Variants in FUT8 observed in about 807,000 individuals in gnomAD.
FUT8 encodes the protein alpha-(1,6)-fucosyltransferase.
A neutral mutation model predicts 71.3 loss-of-function variants in FUT8; 29 were observed. The ratio of observed to expected loss-of-function variants is 0.41; its 90% CI spans 0.30 to 0.55. The LOEUF is 0.55. Among genes scored for constraint, FUT8 ranks in the 20% least tolerant of loss-of-function variants. The probability of loss-of-function intolerance (pLI) is 0.34; values close to 1 mark genes in which losing one functional copy is unlikely to be tolerated. For synonymous variants in FUT8, 254 were observed against 239.3 expected (o/e 1.06, Z -0.57); for missense variants, 544 against 702.1 (o/e 0.77, Z 2.55).
chr14:65,702,820 C>T (rs1248512818), intron 7 of FUT8, among the ~76,000 whole-genome samples: 2 of 151,882 alleles, frequency 1.3e-5, no homozygotes. Flanking sequence ...CTCACTGCAA[C>T]CTCCACCTCC....
At chr14:65,431,515 A>G (rs186688091) in intron 1 of FUT8, among the ~76,000 whole-genome samples, 8 of 150,876 alleles carry the variant, frequency 5.3e-5, no homozygotes, top group African/African-American at 2.0e-4. Flanking sequence ...GTTTTGCCAC[A>G]TTGCCTGGGC....
At chr14:65,667,191 A>G (rs181482715) in intron 6 of FUT8, among the ~76,000 whole-genome samples, 66 of 152,256 alleles carry the variant, frequency 4.3e-4, no homozygotes, top group African/African-American at 1.5e-3. Context: ...GGCAAGAGAA[A>G]AAAATTAAAG....
intron 2 of FUT8, among the ~76,000 whole-genome samples, chr14:65,488,837 T>C (rs2066445031): frequency 1.3e-5 from 2 of 152,160 alleles, no homozygotes; most frequent in South Asian, 4.1e-4. Flanking sequence ...GGCATTTCTT[T>C]CCAATTTTTC....
In FUT8 at chr14:65,514,975, GACATTAGT is replaced by G. The variant is rs1380522752; in HGVS notation, c.-227-46360_-227-46353del. On this transcript the variant is annotated intron_variant, in intron 2 of 10. Transcript: ENST00000673929. ...AACTTTGTGTTTTCCTCCTTCCTTTGACATTAGTAATATTTGGATTTCACTCTTTGAAT... is the reference window on the plus strand; with the variant it reads ...AACTTTGTGTTTTCCTCCTTCCTTTGAATATTTGGATTTCACTCTTTGAAT... 2.0e-5 allele frequency among the ~76,000 whole-genome samples: 3 copies of G among 148,804 alleles called. No individual in the cohort carries two copies. In the Admixed American group the frequency reaches 2.0e-4, roughly 10 times the overall value.
chr14:65,584,030 C>T (rs1887235831), intron 3 of FUT8, among the ~76,000 whole-genome samples: 2 of 152,146 alleles, frequency 1.3e-5, no homozygotes, highest in South Asian at 4.1e-4. Context: ...CAGGCGCGTG[C>T]TACCACGCCT....
intron 2 of FUT8, among the ~76,000 whole-genome samples, chr14:65,459,398 C>T (rs2065940782): frequency 6.6e-6 from 1 of 152,040 alleles, no homozygotes. Context: ...ATTTTTCTAG[C>T]TATATATTCA....
intron 6 of FUT8, among the ~76,000 whole-genome samples, chr14:65,666,871 T>C (rs1018269566): frequency 1.3e-5 from 2 of 152,122 alleles, no homozygotes; most frequent in African/African-American, 4.8e-5. Flanking sequence ...TGGTTCAACA[T>C]ACACAAATCC....
At chr14:65,508,455 A>G (rs1163524364) in intron 2 of FUT8, among the ~76,000 whole-genome samples, 1 of 120,712 alleles carries the variant, frequency 8.3e-6, no homozygotes, top group Non-Finnish European at 1.8e-5. Flanking sequence ...CTGTTTTTAA[A>G]TTGGATTATT....
chr14:65,519,970 G>A (rs1230267763), intron 2 of FUT8, among the ~76,000 whole-genome samples: 4 of 152,152 alleles, frequency 2.6e-5, no homozygotes, highest in Middle Eastern at 3.4e-3. Flanking sequence ...GTAGAGGCCG[G>A]GTTTTGCCGT....
chr14:65,512,907 C>CAAAAAAAAA (rs35280167), intron 2 of FUT8, among the ~76,000 whole-genome samples: 1 of 83,954 alleles, frequency 1.2e-5, no homozygotes, highest in Non-Finnish European at 2.7e-5. Context: ...GACTCTGTCT[C>CAAAAAAAAA]AAAAAAAAAA....
intron 2 of FUT8, among the ~76,000 whole-genome samples, chr14:65,527,944 T>TGTC (rs1158743563): frequency 2.0e-5 from 3 of 152,130 alleles, no homozygotes; most frequent in African/African-American, 7.2e-5. Context: ...CCATGTGAGG[T>TGTC]GTCAGTCTGC....
At chr14:65,388,046 GTTC>G in the FUT8 span, among the ~76,000 whole-genome samples, 1 of 152,160 alleles carries the variant, frequency 6.6e-6, no homozygotes, top group East Asian at 1.9e-4. Context: ...ATATTATAAA[GTTC>G]TTCTCTGCCT....
chr14:65,438,025 C>G (rs530529060), intron 1 of FUT8, among the ~76,000 whole-genome samples: 2 of 152,256 alleles, frequency 1.3e-5, no homozygotes, highest in East Asian at 3.9e-4. Context: ...TTGACCCAAA[C>G]TATTTTGGCT....
At chr14:65,455,148 A>C (rs2139557086) in intron 1 of FUT8, among the ~76,000 whole-genome samples, 1 of 152,324 alleles carries the variant, frequency 6.6e-6, no homozygotes, top group East Asian at 1.9e-4. Flanking sequence ...TTCTATGGAA[A>C]GAAAGCAAAA....
rs1362384917 is a variant in FUT8 at position 65,742,957 on chromosome 14, T to C, written c.*547T>C. ...TTTTTTCCTTTATAAGGTTGTCTGTTTTTTTTTTTTTAAATAATTGCATCA... is the reference window on the plus strand; with the variant it reads ...TTTTTTCCTTTATAAGGTTGTCTGTCTTTTTTTTTTTAAATAATTGCATCA... On this transcript the variant is annotated 3_prime_UTR_variant, in exon 11 of 11. Transcript: ENST00000673929. 2.1e-5 allele frequency: 3 copies of C among 139,780 alleles called. No individual in the cohort carries two copies. Among genetic ancestry groups the C allele is most frequent in the East Asian group, 2.0e-4 (1 of 5,096 alleles). 8.7% of individuals were successfully genotyped at this position (139,780 alleles called of 1,614,324 possible).
intron 1 of FUT8, among the ~76,000 whole-genome samples, chr14:65,425,883 A>G (rs1644093345): frequency 6.6e-6 from 1 of 151,964 alleles, no homozygotes; most frequent in Non-Finnish European, 1.5e-5. Flanking sequence ...AGTCTGAGGC[A>G]GGAGAATTGC....
chr14:65,546,189 C>G (rs1378792667), intron 2 of FUT8, among the ~76,000 whole-genome samples: 7 of 151,712 alleles, frequency 4.6e-5, no homozygotes, highest in Non-Finnish European at 1.0e-4. Context: ...ACTGTCATTT[C>G]CTTTCTTAAT....
chr14:65,514,728 T>C (rs1201324077), intron 2 of FUT8, among the ~76,000 whole-genome samples: 1 of 152,136 alleles, frequency 6.6e-6, no homozygotes, highest in African/African-American at 2.4e-5. Context: ...TATGATACTT[T>C]AAGTTTTAGG....
intron 6 of FUT8, among the ~76,000 whole-genome samples, chr14:65,654,405 A>G (rs1052780892): frequency 6.6e-6 from 1 of 152,150 alleles, no homozygotes; most frequent in Non-Finnish European, 1.5e-5. Context: ...CCTGACCAAC[A>G]TGGAGAAACC....
Sources: allele counts gnomAD v4.1 joint callset (sites outside exome capture counted in the v4.1 genomes callset), GRCh38; gene constraint gnomAD v4.1.1; transcripts MANE v1.5; gene names NCBI Gene and HGNC (gene_info 2026-07-23, HGNC 2026-07-21).